The following MSI2 variants were observed in gnomAD, a reference collection of about 807,000 sequenced individuals.
MSI2 encodes the protein musashi RNA binding protein 2.
Under a neutral mutation model 45.6 loss-of-function variants are expected in MSI2, and 17 were observed. The ratio of observed to expected loss-of-function variants is 0.37; its 90% confidence interval spans 0.26 to 0.56. The LOEUF (loss-of-function observed/expected upper bound fraction) is 0.56. Among genes scored for constraint, MSI2 ranks in the 20% least tolerant of loss-of-function variants. The pLI is 0.77. For synonymous variants in MSI2, 156 were observed against 158.2 expected (o/e 0.99, Z 0.11); for missense variants, 293 against 444.2 (o/e 0.66, Z 3.06).
intron 10 of MSI2, chr17:57,633,079 T>G (rs1909545959): frequency 1.9e-6 from 2 of 1,035,230 alleles, no homozygotes; most frequent in Non-Finnish European, 2.3e-6. Context: ...CATTGTGAAT[T>G]TTCTTCATCT....
At chr17:57,331,357 TC>T (rs1222372165) in intron 5 of MSI2, among the ~76,000 whole-genome samples, 1 of 152,144 alleles carries the variant, frequency 6.6e-6, no homozygotes, top group Non-Finnish European at 1.5e-5. Context: ...TTTTGAGGCC[TC>T]TGAGCTGGGG....
intron 5 of MSI2, among the ~76,000 whole-genome samples, chr17:57,286,716 G>A (rs1010265845): frequency 1.3e-5 from 2 of 151,972 alleles, no homozygotes; most frequent in African/African-American, 4.8e-5. Flanking sequence ...CTCACTGTGA[G>A]CCTCGACTTA....
At chr17:57,658,884 CAG>C (rs1911789311) in intron 11 of MSI2, among the ~76,000 whole-genome samples, 1 of 152,176 alleles carries the variant, frequency 6.6e-6, no homozygotes, top group Non-Finnish European at 1.5e-5. Flanking sequence ...CAGAGCACAA[CAG>C]AGAGGGGTCT....
At chr17:57,577,468 C>T (rs1207664375) in intron 7 of MSI2, among the ~76,000 whole-genome samples, 1 of 152,062 alleles carries the variant, frequency 6.6e-6, no homozygotes, top group Non-Finnish European at 1.5e-5. Flanking sequence ...CAGGAGGATT[C>T]TGTATAAAAT....
At chr17:57,478,648 G>C (rs4793855) in intron 6 of MSI2, among the ~76,000 whole-genome samples, 1 of 152,002 alleles carries the variant, frequency 6.6e-6, no homozygotes, top group Non-Finnish European at 1.5e-5. Context: ...GAAGGCCACC[G>C]TGAGGTCTCA....
intron 6 of MSI2, among the ~76,000 whole-genome samples, chr17:57,496,658 G>T (rs905802687): frequency 1.3e-5 from 2 of 152,186 alleles, no homozygotes; most frequent in Non-Finnish European, 2.9e-5. Flanking sequence ...GGAGTGTTGC[G>T]GGCAGCCCTT....
chr17:57,693,884 G>A, the MSI2 span, among the ~76,000 whole-genome samples: 10 of 152,178 alleles, frequency 6.6e-5, no homozygotes, highest in Non-Finnish European at 1.3e-4. Flanking sequence ...GCCAAATCAG[G>A]CCTGTTGCCT....
intron 7 of MSI2, among the ~76,000 whole-genome samples, chr17:57,563,172 T>A (rs1050026480): frequency 6.6e-6 from 1 of 151,218 alleles, no homozygotes; most frequent in Non-Finnish European, 1.5e-5. Context: ...GTGTATAGGC[T>A]GCATAGTGGT....
intron 5 of MSI2, among the ~76,000 whole-genome samples, chr17:57,269,244 T>C (rs530973445): frequency 4.1e-4 from 63 of 152,260 alleles, no homozygotes; most frequent in Admixed American, 1.3e-3. Flanking sequence ...GCTTGCAAAG[T>C]AGGTTGGAGC....
rs1294196157 is a variant in MSI2 at position 57,552,478 on chromosome 17, G to A, written c.454+22754G>A. Among the ~76,000 whole-genome samples, 1 of 152,154 alleles carries A rather than the reference G, an allele frequency of 6.6e-6. No individual in the cohort carries two copies. Among genetic ancestry groups the A allele is most frequent in the African/African-American group, 2.4e-5 (1 of 41,422 alleles). On this transcript the variant is annotated intron_variant, in intron 7 of 13. Coordinates refer to ENST00000284073, the MANE Select transcript of MSI2 (RefSeq NM_138962.4). This position sits in a 1 kb window ranked among gnomAD's most constrained non-coding sequence, Gnocchi z 4.3. ...GCCTAGGCCTGAAGTAGCAGGGCCA[G>A]ACGCTAGGTGTCGCCGTCCTGGACC...
At chr17:57,597,003 C>T (rs1161008362) in intron 8 of MSI2, 53 bp downstream of exon 8, 16 of 1,335,354 alleles carry the variant, frequency 1.2e-5, no homozygotes, top group Non-Finnish European at 1.6e-5. Flanking sequence ...TCTACGTACA[C>T]ACCCAGTCTT....
At chr17:57,527,125 G>A (rs2086718837) in intron 6 of MSI2, among the ~76,000 whole-genome samples, 1 of 152,184 alleles carries the variant, frequency 6.6e-6, no homozygotes. Context: ...AACATGGCCA[G>A]CACAGAAGGG....
chr17:57,435,455 G>A (rs1167420849), intron 6 of MSI2, among the ~76,000 whole-genome samples: 1 of 152,198 alleles, frequency 6.6e-6, no homozygotes, highest in Non-Finnish European at 1.5e-5. Context: ...AAGGTTTTAA[G>A]CAGACAAGTG....
chr17:57,532,360 C>T (rs2086839202), intron 7 of MSI2: 1 of 152,226 alleles, frequency 6.6e-6, no homozygotes, highest in South Asian at 2.1e-4. Context: ...TCCCTCTCAT[C>T]CAGGGCCCTC....
At chr17:57,539,650 GA>G in intron 7 of MSI2, among the ~76,000 whole-genome samples, 1 of 26,398 alleles carries the variant, frequency 3.8e-5, no homozygotes, top group Non-Finnish European at 7.6e-5. Context: ...TCCATAAACA[GA>G]TGATCTGATG....
chr17:57,511,917 G>A (rs2086364231), intron 6 of MSI2, among the ~76,000 whole-genome samples: 1 of 152,116 alleles, frequency 6.6e-6, no homozygotes, highest in African/African-American at 2.4e-5. Context: ...TGCTCCCGTG[G>A]CTTACATTCC....
At chr17:57,575,065 C>T (rs529166970) in intron 7 of MSI2, among the ~76,000 whole-genome samples, 10 of 152,028 alleles carry the variant, frequency 6.6e-5, no homozygotes, top group African/African-American at 1.7e-4. Context: ...CTCCTGACCT[C>T]GTGATCCGCC....
chr17:57,448,837 CCT>C (rs1475453001), intron 6 of MSI2: 1 of 152,202 alleles, frequency 6.6e-6, no homozygotes, highest in African/African-American at 2.4e-5. Context: ...TGGACCTTGG[CCT>C]CTCTGTGTAA....
At chr17:57,585,570 G>A (rs1397747904) in intron 7 of MSI2, among the ~76,000 whole-genome samples, 1 of 152,206 alleles carries the variant, frequency 6.6e-6, no homozygotes, top group Non-Finnish European at 1.5e-5. Flanking sequence ...CCTCAGTGGG[G>A]ACATTAAGTA....
Sources: allele counts gnomAD v4.1 joint callset (sites outside exome capture counted in the v4.1 genomes callset), GRCh38; gene constraint gnomAD v4.1.1; non-coding constraint Gnocchi (gnomAD v3.1); transcripts MANE v1.5; gene names NCBI Gene and HGNC (gene_info 2026-07-23, HGNC 2026-07-21).